Variants in POMGNT2 observed in about 807,000 individuals in gnomAD.
POMGNT2 encodes the protein protein O-linked mannose N-acetylglucosaminyltransferase 2 (beta 1,4-).
A neutral mutation model predicts 37.8 loss-of-function variants in POMGNT2; 32 were observed. The observed-to-expected ratio is 0.85, with a 90% CI of 0.64 to 1.14. The LOEUF is 1.14. Ranked by LOEUF, POMGNT2 falls within the 50% of genes most tolerant of loss-of-function variation. The probability of loss-of-function intolerance (pLI) is 0.00; values close to 1 mark genes in which losing one functional copy is unlikely to be tolerated. For missense variants in POMGNT2, 705 were observed against 780.6 expected (o/e 0.90, Z 1.15); for synonymous variants, 340 against 336.8 (o/e 1.01, Z -0.10).
rs147920308 is a variant in POMGNT2 at position 43,081,402 on chromosome 3, G to A, written c.30C>T (p.Leu10=). The change falls in exon 2 of 2, where the codon CTC becomes CTT. Residue 10 remains leucine, a synonymous_variant. Coordinates refer to ENST00000344697, the MANE Select transcript of POMGNT2 (RefSeq NM_032806.6). ...GGACCGCTGCCAGCACCGACACCAGGAGGGCGTTGAACACCGCCGAGAGGT... is the reference window on the plus strand; with the variant it reads ...GGACCGCTGCCAGCACCGACACCAGAAGGGCGTTGAACACCGCCGAGAGGT... MHLSAVFNA[L]LVSVLAAVLW... 6.8e-5 allele frequency: 109 copies of A among 1,594,750 alleles called. No homozygotes were observed. Among genetic ancestry groups the A allele is most frequent in the Middle Eastern group, 1.7e-4 (1 of 5,860 alleles).
chr3:43,099,656 C>T (rs1168088498), intron 1 of POMGNT2, among the ~76,000 whole-genome samples: 1 of 152,114 alleles, frequency 6.6e-6, no homozygotes, highest in Admixed American at 6.5e-5. Context: ...ACCTGGGTTT[C>T]AACAGTAGAG....
intron 1 of POMGNT2, chr3:43,087,535 T>G (rs1268146711): frequency 6.6e-6 from 1 of 152,396 alleles, no homozygotes; most frequent in African/African-American, 2.4e-5. Flanking sequence ...CAGGTTCTCA[T>G]GAAGTTAGGA....
At position 43,080,974 on chromosome 3, in the gene POMGNT2, G is replaced by C. The variant is rs1559414712; in HGVS notation, c.458C>G (p.Ala153Gly). 1 of 1,614,228 alleles carries C rather than the reference G, an allele frequency of 6.2e-7. No homozygotes were observed. Among genetic ancestry groups the C allele is most frequent in the South Asian group, 1.1e-5 (1 of 91,084 alleles). ...MPKPVFVPDV[A>G]LIANRFNPDN... ...GGGGTTGAAGCGGTTGGCGATGAGG[G>C]CCACGTCTGGCACGAACACCGGCTT... is the stretch of plus-strand genomic sequence containing the variant. The change falls in exon 2 of 2, where the codon GCC becomes GGC. Residue 153 changes from alanine to glycine, a missense_variant. Coordinates refer to ENST00000344697, the MANE Select transcript of POMGNT2 (RefSeq NM_032806.6).
intron 1 of POMGNT2, among the ~76,000 whole-genome samples, chr3:43,081,978 C>G (rs1335713624): frequency 6.6e-6 from 1 of 152,274 alleles, no homozygotes; most frequent in Non-Finnish European, 1.5e-5. Flanking sequence ...GCTGATCCCT[C>G]ATGACTGAGT....
At chr3:43,103,367 G>T (rs2090033327) in intron 1 of POMGNT2, among the ~76,000 whole-genome samples, 1 of 152,030 alleles carries the variant, frequency 6.6e-6, no homozygotes, top group African/African-American at 2.4e-5. Context: ...ACATTTCCCA[G>T]GAGCTAAACG....
At chr3:43,102,899 G>A (rs548863914) in intron 1 of POMGNT2, among the ~76,000 whole-genome samples, 1 of 152,202 alleles carries the variant, frequency 6.6e-6, no homozygotes, top group South Asian at 2.1e-4. Flanking sequence ...TGGTGGCCCT[G>A]GAAATGTAGA....
chr3:43,092,444 C>T lies in POMGNT2; in HGVS notation c.-105-10908G>A, dbSNP rs562636525. On this transcript the variant is annotated intron_variant, in intron 1 of 1. Transcript: ENST00000344697. ...TCCCAAATAGCTAGGAGTATGGGCA[C>T]GGGCCACCAGCCTGGCTAATTTTTA... Among the ~76,000 whole-genome samples, 205 of 152,120 alleles carry T rather than the reference C, an allele frequency of 1.3e-3. 1 individual carries two copies. The highest frequency in any genetic ancestry group is 9.7e-4 in the East Asian group (5 of 5,168).
intron 1 of POMGNT2, among the ~76,000 whole-genome samples, chr3:43,101,746 A>G (rs62247996): frequency 0.11 from 16,844 of 152,244 alleles, 1,184 homozygotes; most frequent in Non-Finnish European, 0.15. Flanking sequence ...AACCCTCCCC[A>G]TAAGTATCAG....
At position 43,079,601 on chromosome 3, in the gene POMGNT2, TCCC is replaced by T; in HGVS notation, c.*85_*87del. On this transcript the variant is annotated 3_prime_UTR_variant, in exon 2 of 2. Coordinates refer to ENST00000344697, the MANE Select transcript of POMGNT2 (RefSeq NM_032806.6). The stretch of plus-strand genomic sequence containing the variant: ...GGCACAGGCCTGCTCAATAAATAGT[TCCC>T]AGAAGTCTCCACAGTGGGATTAATG... 8.2e-7 allele frequency: 1 copy of T among 1,213,844 alleles called. No homozygotes were observed. Among genetic ancestry groups the T allele is most frequent in the South Asian group, 1.5e-5 (1 of 68,298 alleles). The allele number at this position is 1,213,844 out of a possible 1,614,324, so 75.2% of individuals were successfully genotyped here. A position where few individuals can be genotyped will look rare whatever the true frequency, so the allele number is the denominator to read the frequency against.
At chr3:43,084,711 G>T (rs2089882399) in intron 1 of POMGNT2, among the ~76,000 whole-genome samples, 1 of 151,468 alleles carries the variant, frequency 6.6e-6, no homozygotes, top group Admixed American at 6.6e-5. Context: ...TTTTTTTCCG[G>T]TATTTTTTCT....
At position 43,105,951 on chromosome 3, in the gene POMGNT2, G is replaced by A. The variant is rs2090056591; in HGVS notation, c.-221C>T. On this transcript the variant is annotated 5_prime_UTR_variant, in exon 1 of 2. Transcript: ENST00000344697. ...CCCAGCGCCAGCTTCTGGCCCAGGAGGCCCAGAAGGCCCAGGCAGCCAGCA... is the reference window on the plus strand; with the variant it reads ...CCCAGCGCCAGCTTCTGGCCCAGGAAGCCCAGAAGGCCCAGGCAGCCAGCA... 6.6e-6 allele frequency: 1 copy of A among 151,756 alleles called. No homozygotes were observed. The highest frequency in any genetic ancestry group is 2.4e-5 in the African/African-American group (1 of 41,350). 9.4% of individuals were successfully genotyped at this position (151,756 alleles called of 1,614,324 possible).
At chr3:43,088,300 G>A (rs1280399611) in intron 1 of POMGNT2, among the ~76,000 whole-genome samples, 1 of 152,222 alleles carries the variant, frequency 6.6e-6, no homozygotes, top group East Asian at 1.9e-4. Context: ...AGCAGGAGAA[G>A]ATTCCTTCCA....
chr3:43,089,528 C>A (rs2089925924), intron 1 of POMGNT2, among the ~76,000 whole-genome samples: 2 of 152,276 alleles, frequency 1.3e-5, no homozygotes, highest in Admixed American at 1.3e-4. Context: ...TGGAGCAGAG[C>A]AGCCTGGAGG....
chr3:43,079,740 G>A lies in POMGNT2; in HGVS notation c.1692C>T (p.Phe564=), dbSNP rs762781194. The A allele has an allele frequency of 6.2e-7, 1 of 1,614,174 alleles. No homozygotes were observed. The highest frequency in any genetic ancestry group is 8.5e-7 in the Non-Finnish European group (1 of 1,180,030). The change falls in exon 2 of 2, where the codon TTC becomes TTT. Residue 564 remains phenylalanine, a synonymous_variant. Transcript: ENST00000344697. ...TTYLVWVRCI[F]NKILLGPFAD... is the part of the protein sequence containing the mutation. ...CAAAGGGTCCCAGGAGGATCTTGTT[G>A]AAGATGCAGCGGACCCACACCAGGT... is the stretch of plus-strand genomic sequence containing the variant.
chr3:43,090,281 G>A lies in POMGNT2; in HGVS notation c.-105-8745C>T, dbSNP rs145556718. Among the ~76,000 whole-genome samples the A allele has an allele frequency of 2.0e-3, 301 of 152,008 alleles. 1 individual carries two copies. Among genetic ancestry groups the A allele is most frequent in the African/African-American group, 6.8e-3 (280 of 41,406 alleles). On this transcript the variant is annotated intron_variant, in intron 1 of 1. Transcript: ENST00000344697. ...CTATCAACCTTTACTTTCTGAAATC[G>A]GTATTTTATATCAACATCTATCTAT...
At chr3:43,085,649 T>C (rs1028117918) in intron 1 of POMGNT2, among the ~76,000 whole-genome samples, 2 of 152,156 alleles carry the variant, frequency 1.3e-5, no homozygotes, top group Non-Finnish European at 1.5e-5. Context: ...CTTGGGTATG[T>C]CTTTATCGGC....
intron 1 of POMGNT2, among the ~76,000 whole-genome samples, chr3:43,104,712 C>T (rs1301588255): frequency 6.6e-6 from 1 of 152,198 alleles, no homozygotes; most frequent in Non-Finnish European, 1.5e-5. Flanking sequence ...TGAACCTGGA[C>T]TCCAAGCACC....
intron 1 of POMGNT2, 131 bp downstream of exon 1, chr3:43,105,705 A>G (rs1222399442): frequency 2.0e-5 from 3 of 151,752 alleles, no homozygotes; most frequent in African/African-American, 4.9e-5. Flanking sequence ...AAGGCGTCCT[A>G]GAACCTCCCC....
rs1335495916 is a variant in POMGNT2 at position 43,079,579 on chromosome 3, A to G, written c.*110T>C. 3 of 852,396 alleles carry G rather than the reference A, an allele frequency of 3.5e-6. No individual in the cohort carries two copies. The highest frequency in any genetic ancestry group is 3.6e-6 in the Non-Finnish European group (2 of 550,696). The allele number at this position is 852,396 out of a possible 1,614,324, so 52.8% of individuals were successfully genotyped here. A position where few individuals can be genotyped will look rare whatever the true frequency, so the allele number is the denominator to read the frequency against. On this transcript the variant is annotated 3_prime_UTR_variant, in exon 2 of 2. Transcript: ENST00000344697. ...AGAGACAACAAGATGATGTGGAGGC[A>G]CAGGCCTGCTCAATAAATAGTTCCC... is the stretch of plus-strand genomic sequence containing the variant.
Sources: allele counts gnomAD v4.1 joint callset (sites outside exome capture counted in the v4.1 genomes callset), GRCh38; gene constraint gnomAD v4.1.1; transcripts MANE v1.5; gene names NCBI Gene and HGNC (gene_info 2026-07-23, HGNC 2026-07-21).